The following SIRPD variants were observed in gnomAD, a reference collection of about 807,000 sequenced individuals.
SIRPD encodes signal-regulatory protein delta.
In SIRPD, 21 loss-of-function variants were observed where a neutral mutation model predicts 18.0. The observed-to-expected ratio is 1.17, with a 90% CI of 0.83 to 1.68. The LOEUF is 1.68. Among genes scored for constraint, SIRPD ranks in the 40% most tolerant of loss-of-function variants. The pLI is 0.00. For synonymous variants in SIRPD, 106 were observed against 92.9 expected, an observed-to-expected ratio of 1.14 and a Z score of -0.81; for missense variants, 295 against 238.4, an observed-to-expected ratio of 1.24 and a Z score of -1.56.
chr20:1,543,991 C>T (rs1158899739), intron 2 of SIRPD, among the ~76,000 whole-genome samples: 1 of 152,066 alleles, frequency 6.6e-6, no homozygotes, highest in African/African-American at 2.4e-5. Flanking sequence ...GTTATGATTT[C>T]CATTCTTTTG....
At chr20:1,549,339 T>A (rs2091007798) in intron 2 of SIRPD, among the ~76,000 whole-genome samples, 1 of 151,842 alleles carries the variant, frequency 6.6e-6, no homozygotes, top group Admixed American at 6.6e-5. Context: ...AAGTTTGACA[T>A]CTGATGGCCA....
intron 2 of SIRPD, among the ~76,000 whole-genome samples, chr20:1,550,008 A>G (rs938332373): frequency 6.6e-6 from 1 of 152,204 alleles, no homozygotes; most frequent in African/African-American, 2.4e-5. Flanking sequence ...TTCTCCCTCT[A>G]AACAGCTGTC....
intron 2 of SIRPD, among the ~76,000 whole-genome samples, chr20:1,542,704 C>T (rs532908311): frequency 3.9e-5 from 6 of 152,288 alleles, no homozygotes; most frequent in Non-Finnish European, 7.4e-5. Context: ...AGAGGGCATT[C>T]TTGTCTTGCT....
At chr20:1,548,027 ATAGAGATAGTTTTACTTC>A (rs2123138745) in intron 2 of SIRPD, among the ~76,000 whole-genome samples, 1 of 152,314 alleles carries the variant, frequency 6.6e-6, no homozygotes, top group Admixed American at 6.5e-5. Flanking sequence ...CCATTTGTCA[ATAGAGATAGTTTTACTTC>A]ATTCTTTCCA....
chr20:1,537,394 G>A (rs527240366), intron 2 of SIRPD, 84 bp from the exon 3 acceptor site: 111 of 1,411,498 alleles, frequency 7.9e-5, no homozygotes, highest in African/African-American at 3.6e-4. Flanking sequence ...GATTATGACC[G>A]TTCCAGTTTC....
At chr20:1,545,838 T>C (rs1472184385) in intron 2 of SIRPD, among the ~76,000 whole-genome samples, 1 of 152,232 alleles carries the variant, frequency 6.6e-6, no homozygotes, top group Admixed American at 6.5e-5. Flanking sequence ...ATCCTGTTGC[T>C]TTCTGTTTGT....
chr20:1,552,133 T>C, intron 1 of SIRPD, 95 bp from the exon 2 acceptor site: 1 of 1,039,008 alleles, frequency 9.6e-7, no homozygotes, highest in African/African-American at 1.6e-5. Flanking sequence ...ATTCTTTTAA[T>C]GACATGCGCA....
chr20:1,539,607 C>T (rs1370123098), intron 2 of SIRPD, among the ~76,000 whole-genome samples: 1 of 152,232 alleles, frequency 6.6e-6, no homozygotes. Context: ...TCCTGGCATT[C>T]ACCCCACTAT....
At chr20:1,553,601 C>T (rs1427272403) in intron 1 of SIRPD, among the ~76,000 whole-genome samples, 1 of 152,142 alleles carries the variant, frequency 6.6e-6, no homozygotes, top group Non-Finnish European at 1.5e-5. Context: ...AGTCAGCCTT[C>T]TAGGACCCAG....
At chr20:1,540,549 A>G (rs1290674190) in intron 2 of SIRPD, among the ~76,000 whole-genome samples, 1 of 152,156 alleles carries the variant, frequency 6.6e-6, no homozygotes, top group Non-Finnish European at 1.5e-5. Context: ...CCATCCCCCA[A>G]ATCATAAGAA....
intron 2 of SIRPD, among the ~76,000 whole-genome samples, chr20:1,549,750 C>G (rs1466973424): frequency 6.6e-6 from 1 of 152,024 alleles, no homozygotes; most frequent in Admixed American, 6.6e-5. Flanking sequence ...ATAATTTTCA[C>G]CAGTTTCCAT....
chr20:1,548,170 C>T (rs780868491), intron 2 of SIRPD, among the ~76,000 whole-genome samples: 2 of 152,210 alleles, frequency 1.3e-5, no homozygotes, highest in African/African-American at 2.4e-5. Context: ...GGGACAGCAT[C>T]TAACCATCCT....
chr20:1,535,760 C>A (rs149601164), intron 3 of SIRPD, among the ~76,000 whole-genome samples: 1 of 152,248 alleles, frequency 6.6e-6, no homozygotes, highest in East Asian at 1.9e-4. Context: ...TTTTACTTTG[C>A]GAAAATAACC....
intron 2 of SIRPD, among the ~76,000 whole-genome samples, chr20:1,542,072 T>C (rs2090974535): frequency 6.6e-6 from 1 of 152,234 alleles, no homozygotes; most frequent in Non-Finnish European, 1.5e-5. Flanking sequence ...TCAGGTAGCA[T>C]GATGCCTCTA....
At chr20:1,552,072 C>T (rs2091022094) in intron 1 of SIRPD, 34 bp from the exon 2 acceptor site, 1 of 1,579,686 alleles carries the variant, frequency 6.3e-7, no homozygotes, top group South Asian at 1.1e-5. Flanking sequence ...TCTCATTTCC[C>T]CTGTTCTGGC....
chr20:1,547,187 T>C (rs1020350487), intron 2 of SIRPD, among the ~76,000 whole-genome samples: 2 of 152,220 alleles, frequency 1.3e-5, no homozygotes, highest in African/African-American at 4.8e-5. Context: ...TTTTTGTATA[T>C]GGTGTGAAGT....
intron 3 of SIRPD, among the ~76,000 whole-genome samples, chr20:1,536,791 C>T (rs561084251): frequency 2.6e-5 from 4 of 152,242 alleles, no homozygotes; most frequent in Non-Finnish European, 5.9e-5. Context: ...AATGCTGCTC[C>T]TCTACTTCTT....
At chr20:1,547,063 T>G (rs982555525) in intron 2 of SIRPD, among the ~76,000 whole-genome samples, 2 of 152,262 alleles carry the variant, frequency 1.3e-5, no homozygotes, top group East Asian at 1.9e-4. Flanking sequence ...TCTCATGCTT[T>G]TGATACTATG....
intron 2 of SIRPD, among the ~76,000 whole-genome samples, chr20:1,539,662 G>A (rs1349037481): frequency 6.6e-6 from 1 of 152,168 alleles, no homozygotes; most frequent in Non-Finnish European, 1.5e-5. Context: ...TAATGAAAAA[G>A]TAAAAGTAAC....
Sources: allele counts gnomAD v4.1 joint callset (sites outside exome capture counted in the v4.1 genomes callset), GRCh38; gene constraint gnomAD v4.1.1; transcripts MANE v1.5; gene names NCBI Gene and HGNC (gene_info 2026-07-23, HGNC 2026-07-21).